APLF: variants seen among roughly 807,000 people sequenced by gnomAD.
APLF encodes aprataxin and PNK-like factor.
In APLF, 61 loss-of-function variants were observed where a neutral mutation model predicts 55.6. The observed-to-expected ratio is 1.10, with a 90% CI of 0.89 to 1.36. APLF has a LOEUF of 1.36. Among genes scored for constraint, APLF ranks in the 40% most tolerant of loss-of-function variants. The pLI is 0.00. For synonymous variants in APLF, 207 were observed against 214.8 expected, an observed-to-expected ratio of 0.96 and a Z score of 0.32; for missense variants, 611 against 602.5, an observed-to-expected ratio of 1.01 and a Z score of -0.15.
intron 7 of APLF, among the ~76,000 whole-genome samples, chr2:68,544,683 C>T (rs922182190): frequency 6.6e-5 from 10 of 151,624 alleles, no homozygotes; most frequent in East Asian, 1.9e-4. Context: ...GTCTTGAGAC[C>T]GAAAAGTTTG....
chr2:68,509,769 G>A (rs1389372500), intron 3 of APLF, among the ~76,000 whole-genome samples: 3 of 151,920 alleles, frequency 2.0e-5, no homozygotes, highest in Non-Finnish European at 4.4e-5. Flanking sequence ...ACATGCACAC[G>A]TATGTTTATT....
chr2:68,476,641 GTATA>G (rs1675784589), intron 1 of APLF, among the ~76,000 whole-genome samples: 2 of 151,828 alleles, frequency 1.3e-5, no homozygotes, highest in Non-Finnish European at 2.9e-5. Flanking sequence ...TTTATTCAGT[GTATA>G]TATTGTGCAA....
intron 3 of APLF, among the ~76,000 whole-genome samples, chr2:68,503,680 A>C (rs1022246999): frequency 6.6e-6 from 1 of 152,128 alleles, no homozygotes; most frequent in East Asian, 1.9e-4. Context: ...TGAAAACAGC[A>C]TAAAAATTTG....
At chr2:68,558,213 A>G (rs1671066550) in intron 8 of APLF, among the ~76,000 whole-genome samples, 1 of 152,096 alleles carries the variant, frequency 6.6e-6, no homozygotes, top group Admixed American at 6.6e-5. Flanking sequence ...TTTAATGTGC[A>G]TTAATTTTCA....
chr2:68,487,003 T>C (rs1676196468), intron 1 of APLF, among the ~76,000 whole-genome samples: 1 of 152,174 alleles, frequency 6.6e-6, no homozygotes, highest in South Asian at 2.1e-4. Flanking sequence ...TTAGTAGCCT[T>C]TCTCTTTCCA....
At chr2:68,518,825 A>G (rs1449555223) in intron 5 of APLF, among the ~76,000 whole-genome samples, 1 of 126,332 alleles carries the variant, frequency 7.9e-6, no homozygotes, top group Non-Finnish European at 1.6e-5. Context: ...AATATTAGTA[A>G]TATATCATTA....
chr2:68,529,913 G>T lies in APLF; in HGVS notation c.804+3671G>T, dbSNP rs1336378990. 6.6e-6 allele frequency among the ~76,000 whole-genome samples: 1 copy of T among 152,214 alleles called. No individual in the cohort carries two copies. The highest frequency in any genetic ancestry group is 1.5e-5 in the Non-Finnish European group (1 of 68,016). On this transcript the variant is annotated intron_variant, in intron 6 of 9. Transcript: ENST00000303795. The surrounding 1 kb of genome is among the most constrained non-coding windows in gnomAD (Gnocchi z 4.4). ...CAGAGCGCAGGACCAGCCAGATCCCGCCAGGCTCCCCCGGGGCCTCTCCAG... is the reference window on the plus strand; with the variant it reads ...CAGAGCGCAGGACCAGCCAGATCCCTCCAGGCTCCCCCGGGGCCTCTCCAG...
At chr2:68,477,998 A>G (rs112284468) in intron 1 of APLF, among the ~76,000 whole-genome samples, 3,852 of 149,394 alleles carry the variant, frequency 0.026, 64 homozygotes, top group South Asian at 0.043. Context: ...ATACTATATC[A>G]CTCTTTAAAA....
At chr2:68,505,698 T>C (rs1456937364) in intron 3 of APLF, among the ~76,000 whole-genome samples, 1 of 151,954 alleles carries the variant, frequency 6.6e-6, no homozygotes, top group African/African-American at 2.4e-5. Context: ...TCTGGAAGGA[T>C]CCCCAGCACA....
intron 6 of APLF, chr2:68,528,733 G>A (rs1179497567): frequency 6.6e-7 from 1 of 1,507,830 alleles, no homozygotes; most frequent in Admixed American, 2.0e-5. Context: ...CTCCAGCAGG[G>A]CTGTGTGAAC....
chr2:68,549,569 ATGGGTGACTTTTAT>A (rs1214967705), intron 8 of APLF, among the ~76,000 whole-genome samples: 31 of 152,216 alleles, frequency 2.0e-4, no homozygotes, highest in African/African-American at 7.2e-4. Flanking sequence ...GGCCCAGCAT[ATGGGTGACTTTTAT>A]TGAACATATG....
At chr2:68,511,478 T>G (rs1449439179) in intron 3 of APLF, among the ~76,000 whole-genome samples, 1 of 151,706 alleles carries the variant, frequency 6.6e-6, no homozygotes. Context: ...GGGTAACTAT[T>G]AATAAAAATT....
In APLF at chr2:68,579,906, T is replaced by G; in HGVS notation, c.*1884T>G. On this transcript the variant is annotated 3_prime_UTR_variant, in exon 10 of 10. Transcript: ENST00000303795. ...CTGTAAATATATTACAAACAATGCA[T>G]TGTACACTTTCAAAGGGTAGATTTC... is the stretch of plus-strand genomic sequence containing the variant. 2.2e-6 allele frequency: 1 copy of G among 460,894 alleles called. No homozygotes were observed. The highest frequency in any genetic ancestry group is 9.4e-5 in the South Asian group (1 of 10,638). The allele number at this position is 460,894 out of a possible 1,614,324, so 28.6% of individuals were successfully genotyped here. A position where few individuals can be genotyped will look rare whatever the true frequency, so the allele number is the denominator to read the frequency against.
intron 1 of APLF, among the ~76,000 whole-genome samples, chr2:68,478,631 G>T (rs1367992652): frequency 1.3e-5 from 2 of 152,172 alleles, no homozygotes; most frequent in African/African-American, 2.4e-5. Context: ...AGCAGCAGAT[G>T]AATTCCCAGA....
intron 8 of APLF, among the ~76,000 whole-genome samples, chr2:68,562,900 TTG>T (rs1671206313): frequency 6.6e-6 from 1 of 152,018 alleles, no homozygotes; most frequent in Admixed American, 6.6e-5. Flanking sequence ...GTGTGTGATT[TTG>T]TGTGTGATAA....
At chr2:68,509,660 C>T (rs1250622854) in intron 3 of APLF, among the ~76,000 whole-genome samples, 6 of 152,146 alleles carry the variant, frequency 3.9e-5, no homozygotes, top group African/African-American at 9.6e-5. Context: ...GACAATGTGG[C>T]GATTCCTCAG....
At chr2:68,490,544 A>G (rs774404963) in intron 2 of APLF, among the ~76,000 whole-genome samples, 25 of 152,230 alleles carry the variant, frequency 1.6e-4, no homozygotes, top group Non-Finnish European at 2.9e-5. Flanking sequence ...ACTCCAAATA[A>G]TAAGAAAGCC....
chr2:68,481,824 A>T (rs1336312360), intron 1 of APLF, among the ~76,000 whole-genome samples: 1 of 151,744 alleles, frequency 6.6e-6, no homozygotes, highest in Non-Finnish European at 1.5e-5. Context: ...TCTTTGGGTT[A>T]TTTCAGAAGA....
Position 68,502,743 on chromosome 2 carries a change from C to T in APLF, c.181C>T (p.Pro61Ser), listed in dbSNP as rs762248604. The change falls in exon 3 of 10, where the codon CCA becomes TCA. Residue 61 changes from proline (P) to serine (S), a missense_variant. Coordinates refer to ENST00000303795, the MANE Select transcript of APLF (RefSeq NM_173545.3). ...QLRIKPIHTN[P>S]CFYQSSEKSQ... ...TTTAATTTGTTAGATACACACAAAT[C>T]CATGTTTTTACCAGTCTTCAGAGAA... is the stretch of plus-strand genomic sequence containing the variant. 7 of 1,521,046 alleles carry T rather than the reference C, an allele frequency of 4.6e-6. No individual in the cohort carries two copies. In the South Asian group the frequency reaches 5.5e-5, roughly 12 times the overall value. 94.2% of individuals were successfully genotyped at this position (1,521,046 alleles called of 1,614,324 possible). A position where few individuals can be genotyped will look rare whatever the true frequency, so the allele number is the denominator to read the frequency against.
Sources: allele counts gnomAD v4.1 joint callset (sites outside exome capture counted in the v4.1 genomes callset), GRCh38; gene constraint gnomAD v4.1.1; non-coding constraint Gnocchi (gnomAD v3.1); transcripts MANE v1.5; gene names NCBI Gene and HGNC (gene_info 2026-07-23, HGNC 2026-07-21).